Variants in XRRA1 observed in about 807,000 individuals in gnomAD.
XRRA1 encodes X-ray radiation resistance-associated protein 1.
In XRRA1, 69 loss-of-function variants were observed where a neutral mutation model predicts 80.2. The ratio of observed to expected loss-of-function variants is 0.86; its 90% CI spans 0.71 to 1.05. XRRA1 has a LOEUF of 1.05. Ranked by LOEUF, XRRA1 falls within the 50% of genes least tolerant of loss-of-function variation. XRRA1 has a pLI of 0.00. For missense variants in XRRA1, 967 were observed against 976.4 expected (o/e 0.99, Z 0.13); for synonymous variants, 348 against 389.9 (o/e 0.89, Z 1.27).
chr11:74,943,425 A>G (rs1946740754), intron 2 of XRRA1, among the ~76,000 whole-genome samples: 1 of 152,116 alleles, frequency 6.6e-6, no homozygotes, highest in Non-Finnish European at 1.5e-5. Context: ...GGAAAAACCT[A>G]CATTTTACCG....
Position 74,906,245 on chromosome 11 carries a change from G to C in XRRA1, c.997C>G (p.Arg333Gly), listed in dbSNP as rs780878723. The C allele has an allele frequency of 9.9e-6, 16 of 1,613,410 alleles. No individual in the cohort carries two copies. Among genetic ancestry groups the C allele is most frequent in the Admixed American group, 3.3e-5 (2 of 59,954 alleles). Residue 333 changes from arginine (R) to glycine (G), a missense_variant, in exon 10 of 19, where the codon CGG (arginine) becomes GGG (glycine). Physicochemically the swap from Arg to Gly is moderately radical, Grantham distance 125. Coordinates refer to ENST00000684022, the MANE Select transcript of XRRA1 (RefSeq NM_001378157.1). Reference sequence around the variant, plus strand: ...GACAAGGGGTGTCACTCACCTGTCCGGTCAACATCCTTTTTCATGGGCAGT... The same window carrying C: ...GACAAGGGGTGTCACTCACCTGTCCCGTCAACATCCTTTTTCATGGGCAGT... ...TVLPMKKDVD[R>G]TEVVFSSYPG...
intron 12 of XRRA1, among the ~76,000 whole-genome samples, chr11:74,855,363 TG>T (rs1444930450): frequency 6.6e-6 from 1 of 152,134 alleles, no homozygotes; most frequent in Non-Finnish European, 1.5e-5. Context: ...CCGAACCAGG[TG>T]ATTAAAAAGT....
chr11:74,865,336 C>G (rs1308566023), intron 10 of XRRA1, among the ~76,000 whole-genome samples: 4 of 152,216 alleles, frequency 2.6e-5, no homozygotes, highest in Non-Finnish European at 4.4e-5. Context: ...GGGAACTATC[C>G]TATCTGTGCA....
chr11:74,865,443 G>A (rs2043197643), intron 10 of XRRA1, among the ~76,000 whole-genome samples: 1 of 152,184 alleles, frequency 6.6e-6, no homozygotes, highest in East Asian at 1.9e-4. Context: ...GTCAGTTCCA[G>A]CCCCTCCCTC....
At chr11:74,845,628 A>G (rs1037481078) in intron 15 of XRRA1, among the ~76,000 whole-genome samples, 1 of 152,226 alleles carries the variant, frequency 6.6e-6, no homozygotes, top group African/African-American at 2.4e-5. Flanking sequence ...TCAGACAAGG[A>G]ACAGCACGAG....
At chr11:74,860,887 C>A (rs2042168298) in intron 11 of XRRA1, among the ~76,000 whole-genome samples, 1 of 152,186 alleles carries the variant, frequency 6.6e-6, no homozygotes, top group South Asian at 2.1e-4. Flanking sequence ...TTGAGTCACA[C>A]CTGAGTTTAG....
intron 1 of XRRA1, among the ~76,000 whole-genome samples, chr11:74,948,483 T>G (rs1443311568): frequency 3.9e-5 from 6 of 152,264 alleles, no homozygotes; most frequent in African/African-American, 1.4e-4. Context: ...TCAATATACA[T>G]TTGTGAAAAA....
At chr11:74,843,731 A>G (rs533901055) in intron 18 of XRRA1, 123 bp downstream of exon 18, 2 of 913,274 alleles carry the variant, frequency 2.2e-6, no homozygotes, top group Admixed American at 2.4e-5. Flanking sequence ...ATCTACATGT[A>G]GAGACTGATG....
intron 3 of XRRA1, among the ~76,000 whole-genome samples, chr11:74,940,520 C>T (rs1261769774): frequency 6.6e-6 from 1 of 152,166 alleles, no homozygotes; most frequent in African/African-American, 2.4e-5. Flanking sequence ...AATGGGTTAT[C>T]ACAGAGGATA....
At chr11:74,943,059 T>G (rs1946659726) in intron 2 of XRRA1, among the ~76,000 whole-genome samples, 1 of 152,140 alleles carries the variant, frequency 6.6e-6, no homozygotes, top group Non-Finnish European at 1.5e-5. Context: ...ACTTCAAATA[T>G]CCCAAGTGTT....
intron 10 of XRRA1, among the ~76,000 whole-genome samples, chr11:74,890,859 G>A (rs180776465): frequency 0.042 from 6,413 of 152,238 alleles, 145 homozygotes; most frequent in African/African-American, 0.061. Context: ...CCAGGAAGAA[G>A]TTGAATCTCT....
At chr11:74,933,727 G>A (rs1398125519) in intron 5 of XRRA1, 74 bp downstream of exon 5, 6 of 1,426,192 alleles carry the variant, frequency 4.2e-6, no homozygotes, top group Non-Finnish European at 5.8e-6. Context: ...AGGTGCAAGA[G>A]ACAAACCACA....
chr11:74,851,371 C>T (rs116631454), intron 13 of XRRA1, among the ~76,000 whole-genome samples, 168 bp from the exon 14 acceptor site: 1 of 152,258 alleles, frequency 6.6e-6, no homozygotes, highest in African/African-American at 2.4e-5. Flanking sequence ...CTACCTCCTA[C>T]CATTATTCCC....
Position 74,848,300 on chromosome 11 carries a change from T to C in XRRA1, c.1543A>G (p.Thr515Ala). The change falls in exon 15 of 19, where the codon ACT becomes GCT. Residue 515 changes from threonine to alanine, a missense_variant. Thr to Ala is a moderately conservative substitution (Grantham distance 58). Coordinates refer to ENST00000684022, the MANE Select transcript of XRRA1 (RefSeq NM_001378157.1). Reference sequence around the variant, plus strand: ...GGGGAATGGCCTTCCAGGTTCTCAGTGGGCATCTCTGACTCCACAGAAGTG... The same window carrying C: ...GGGGAATGGCCTTCCAGGTTCTCAGCGGGCATCTCTGACTCCACAGAAGTG... ...KSTSVESEMP[T>A]ENLEGHSPSC... 1 of 1,613,902 alleles carries C rather than the reference T, an allele frequency of 6.2e-7. No homozygotes were observed. Among genetic ancestry groups the C allele is most frequent in the Non-Finnish European group, 8.5e-7 (1 of 1,179,842 alleles).
intron 18 of XRRA1, 108 bp downstream of exon 18, chr11:74,843,746 C>T: frequency 2.0e-6 from 2 of 998,040 alleles, no homozygotes; most frequent in Non-Finnish European, 3.0e-6. Flanking sequence ...CTGATGTAGG[C>T]AGTTGCTCTC....
intron 14 of XRRA1, among the ~76,000 whole-genome samples, chr11:74,849,739 G>T (rs569865609): frequency 7.8e-4 from 119 of 152,344 alleles, no homozygotes; most frequent in African/African-American, 2.7e-3. Context: ...TCGTGGGCTG[G>T]ATTACTGCTC....
chr11:74,921,191 G>A, intron 8 of XRRA1, 23 bp downstream of exon 8: 2 of 1,610,644 alleles, frequency 1.2e-6, no homozygotes, highest in Non-Finnish European at 8.5e-7. Context: ...AACACAGAAT[G>A]GACTCCAGGA....
chr11:74,903,334 A>G (rs532166324), intron 10 of XRRA1, among the ~76,000 whole-genome samples: 14 of 152,324 alleles, frequency 9.2e-5, no homozygotes, highest in Admixed American at 5.2e-4. Flanking sequence ...AAGCAACCTA[A>G]GTGTTCATCA....
chr11:74,944,992 T>C (rs1947201154), intron 2 of XRRA1, 26 bp downstream of exon 2: 2 of 152,616 alleles, frequency 1.3e-5, no homozygotes, highest in Non-Finnish European at 2.9e-5. Context: ...TATGGTGACC[T>C]GGCTTCAGGT....
Sources: allele counts gnomAD v4.1 joint callset (sites outside exome capture counted in the v4.1 genomes callset), GRCh38; gene constraint gnomAD v4.1.1; transcripts MANE v1.5; gene names NCBI Gene and HGNC (gene_info 2026-07-23, HGNC 2026-07-21).